The following ATM variants were observed in gnomAD, a reference collection of about 807,000 sequenced individuals.
ATM encodes the protein ATM serine/threonine kinase.
Under a neutral mutation model 387.0 loss-of-function variants are expected in ATM, and 308 were observed. That is an observed-to-expected ratio of 0.80 (90% CI 0.73 to 0.87). The LOEUF (loss-of-function observed/expected upper bound fraction) is 0.87, where lower values mean the gene tolerates loss of function less well. Among genes scored for constraint, ATM ranks in the 40% least tolerant of loss-of-function variants. The probability of loss-of-function intolerance (pLI) is 0.00; values close to 1 mark genes in which losing one functional copy is unlikely to be tolerated. For synonymous variants in ATM, 1,156 were observed against 1,187.3 expected (o/e 0.97, Z 0.54); for missense variants, 3,312 against 3,560.9 (o/e 0.93, Z 1.78).
Position 108,321,347 on chromosome 11 carries a change from T to C in ATM, c.6499T>C (p.Tyr2167His), listed in dbSNP as rs2136239993. 1 of 1,614,196 alleles carries C rather than the reference T, an allele frequency of 6.2e-7. No homozygotes were observed. The change falls in exon 45 of 63, where the codon TAT (tyrosine) becomes CAT (histidine). Residue 2167 changes from tyrosine to histidine, a missense_variant. Transcript: ENST00000675843. ...EMCKRSLESVYSLYPTLSRLQ... is the reference protein window; with the variant it reads ...EMCKRSLESVHSLYPTLSRLQ... ...GTGTAAGCGCAGCCTTGAGTCTGTG[T>C]ATTCGCTCTATCCCACACTTAGCAG...
chr11:108,259,692 A>G lies in ATM; in HGVS notation c.2466+617A>G, dbSNP rs372633682. ...GCGCAACATTGTACCAAAATTTAAA[A>G]TAATTATTTGTTCTTTAAAAGTGAC... On this transcript the variant is annotated intron_variant, in intron 16 of 62. Transcript: ENST00000675843. Among the ~76,000 whole-genome samples, 90 of 152,310 alleles carry G rather than the reference A, an allele frequency of 5.9e-4. No homozygotes were observed. In the East Asian group the frequency reaches 0.015, roughly 25 times the overall value.
chr11:108,243,600 A>T (rs781583548), intron 5 of ATM, among the ~76,000 whole-genome samples: 1 of 152,154 alleles, frequency 6.6e-6, no homozygotes, highest in Non-Finnish European at 1.5e-5. Flanking sequence ...ACGACAGAGC[A>T]AGATTCTGTC....
At chr11:108,260,266 C>T (rs1026458884) in intron 16 of ATM, among the ~76,000 whole-genome samples, 1 of 152,060 alleles carries the variant, frequency 6.6e-6, no homozygotes, top group Non-Finnish European at 1.5e-5. Flanking sequence ...AATTCCTGAC[C>T]TCAAATGATC....
rs587780617 is a variant in ATM at position 108,256,297 on chromosome 11, C to T, written c.2207C>T (p.Ala736Val). Residue 736 changes from alanine to valine, a missense_variant, in exon 14 of 63, where the codon GCT becomes GTT. Around this residue, in one of 4 missense-constraint regions of ATM, gnomAD observed 1,791 missense variants for 1,804.5 expected, o/e 0.99. Transcript: ENST00000675843. ...TGCTACTGTTACATGGGTGTAATAGCTGAAGAGGAAGCATATAAGTCAGAA... is the reference window on the plus strand; with the variant it reads ...TGCTACTGTTACATGGGTGTAATAGTTGAAGAGGAAGCATATAAGTCAGAA... ...LGCYCYMGVI[A>V]EEEAYKSELF... The T allele has an allele frequency of 1.9e-6, 3 of 1,611,104 alleles. No homozygotes were observed. Among genetic ancestry groups the T allele is most frequent in the Non-Finnish European group, 2.5e-6 (3 of 1,178,128 alleles).
chr11:108,295,131 C>T lies in ATM; in HGVS notation c.4909+72C>T. ...AAAGAATATTTTGCAAAGTCTTGCTCTTGGTTTCATTGTCACAGACTTAGT... is the reference window on the plus strand; with the variant it reads ...AAAGAATATTTTGCAAAGTCTTGCTTTTGGTTTCATTGTCACAGACTTAGT... On this transcript the variant is annotated intron_variant, in intron 32 of 62. Coordinates refer to ENST00000675843, the MANE Select transcript of ATM (RefSeq NM_000051.4). 1.1e-5 allele frequency: 17 copies of T among 1,582,984 alleles called. No homozygotes were observed. The South Asian group carries it at 1.9e-4, about 18-fold the overall frequency.
At chr11:108,232,846 G>A (rs112709804) in intron 4 of ATM, among the ~76,000 whole-genome samples, 3,961 of 150,216 alleles carry the variant, frequency 0.026, 181 homozygotes, top group African/African-American at 0.091. Flanking sequence ...CACACACCCA[G>A]CCTACTGTTC....
chr11:108,299,615 G>C, intron 33 of ATM, 99 bp from the exon 34 acceptor site: 1 of 1,252,412 alleles, frequency 8.0e-7, no homozygotes, highest in East Asian at 2.3e-5. Context: ...AATTCTTGAA[G>C]TACAGAAAAA....
chr11:108,246,116 G>A, intron 7 of ATM, among the ~76,000 whole-genome samples: 1 of 152,098 alleles, frequency 6.6e-6, no homozygotes. Flanking sequence ...GAGCCACTGT[G>A]CCCGGCCGTG....
chr11:108,336,141 T>TAAA (rs374306537), intron 56 of ATM, 180 bp downstream of exon 56: 1 of 440,540 alleles, frequency 2.3e-6, no homozygotes, highest in East Asian at 4.1e-5. Context: ...GACAAAAAGT[T>TAAA]AAAAAAAAAA....
Position 108,365,585 on chromosome 11 carries a change from A to G in ATM, c.*77A>G, listed in dbSNP as rs2137938591. ...GCCTTTATTTTTAACCTGCCAACATACTTTAAGTAGGGATTAATATTTAAG... is the reference window on the plus strand; with the variant it reads ...GCCTTTATTTTTAACCTGCCAACATGCTTTAAGTAGGGATTAATATTTAAG... On this transcript the variant is annotated 3_prime_UTR_variant, in exon 63 of 63. Transcript: ENST00000675843. 2.0e-6 allele frequency: 3 copies of G among 1,494,732 alleles called. No homozygotes were observed. Among genetic ancestry groups the G allele is most frequent in the Non-Finnish European group, 1.8e-6 (2 of 1,097,524 alleles). The allele number at this position is 1,494,732 out of a possible 1,614,324, so 92.6% of individuals were successfully genotyped here. A position where few individuals can be genotyped will look rare whatever the true frequency, so the allele number is the denominator to read the frequency against.
chr11:108,233,741 G>A (rs956886974), intron 4 of ATM, among the ~76,000 whole-genome samples: 1 of 152,014 alleles, frequency 6.6e-6, no homozygotes, highest in Non-Finnish European at 1.5e-5. Context: ...TAGCTACCTG[G>A]GAGGCTGACA....
chr11:108,343,051 CTTAAGT>C (rs1333267307), intron 56 of ATM, among the ~76,000 whole-genome samples, 165 bp from the exon 57 acceptor site: 13 of 152,108 alleles, frequency 8.5e-5, no homozygotes, highest in Admixed American at 6.6e-5. Context: ...ATTCTTTGAG[CTTAAGT>C]TTATTTCCGA....
intron 4 of ATM, among the ~76,000 whole-genome samples, chr11:108,231,754 G>A (rs2079025857): frequency 6.8e-6 from 1 of 147,594 alleles, no homozygotes; most frequent in African/African-American, 2.5e-5. Context: ...TAAATATTTA[G>A]TAGAAGTATG....
chr11:108,277,858 C>G (rs1416113211), intron 22 of ATM, among the ~76,000 whole-genome samples: 1 of 152,106 alleles, frequency 6.6e-6, no homozygotes, highest in African/African-American at 2.4e-5. Context: ...TTATTTTTCT[C>G]TAGTATTTAT....
At position 108,289,719 on chromosome 11, in the gene ATM, GAT is replaced by G. The variant is rs1555097650; in HGVS notation, c.4358_4359del (p.Ile1453LysfsTer37). The stretch of plus-strand genomic sequence containing the variant: ...CCTGTTTGTTAGTTTATTACTGAAA[GAT>G]ATAAAAAGTGGCTTAGGAGGAGCTT... The part of the protein sequence containing the change: ...YHLFVSLLLK[D>X]IKSGLGGAWA... On this transcript the variant is annotated frameshift_variant, in exon 29 of 63. Transcript: ENST00000675843. LOFTEE classifies it high-confidence loss of function. The G allele has an allele frequency of 6.2e-7, 1 of 1,613,730 alleles. No individual in the cohort carries two copies. Among genetic ancestry groups the G allele is most frequent in the Non-Finnish European group, 8.5e-7 (1 of 1,179,944 alleles).
chr11:108,289,958 GATTATC>G, intron 29 of ATM, 157 bp downstream of exon 29: 1 of 644,310 alleles, frequency 1.6e-6, no homozygotes, highest in Non-Finnish European at 2.6e-6. Flanking sequence ...CCTGGGTTCA[GATTATC>G]CTTCCTCCTC....
intron 62 of ATM, 45 bp downstream of exon 62, chr11:108,365,263 TTC>T (rs1178748847): frequency 6.2e-7 from 1 of 1,614,214 alleles, no homozygotes; most frequent in South Asian, 1.1e-5. Context: ...TTTTCAGATT[TTC>T]TTATTCCCAA....
chr11:108,256,190 A>T (rs763998008), intron 13 of ATM, 25 bp from the exon 14 acceptor site: 14 of 1,542,476 alleles, frequency 9.1e-6, no homozygotes, highest in African/African-American at 4.1e-5. Flanking sequence ...AAATATATAT[A>T]TTTTTATTTG....
intron 5 of ATM, among the ~76,000 whole-genome samples, chr11:108,240,082 A>G (rs1045360129): frequency 6.6e-6 from 1 of 152,240 alleles, no homozygotes; most frequent in African/African-American, 2.4e-5. Flanking sequence ...TGTTACCATC[A>G]GTAAACCTAT....
Sources: gnomAD v4.1 joint callset for allele counts (sites outside exome capture counted in the v4.1 genomes callset) on GRCh38, gnomAD v4.1.1 for gene constraint, gnomAD v4.1.1 regional missense constraint, MANE v1.5 for transcripts, NCBI Gene and HGNC (gene_info 2026-07-23, HGNC 2026-07-21) for gene names.